CUL2: variants seen among roughly 807,000 people sequenced by gnomAD.
The protein encoded by CUL2 is cullin 2, also known as cullin-2.
A neutral mutation model predicts 110.2 loss-of-function variants in CUL2; 22 were observed. The observed-to-expected ratio is 0.20, with a 90% CI of 0.14 to 0.28. The LOEUF (loss-of-function observed/expected upper bound fraction) is 0.28, where lower values mean the gene tolerates loss of function less well. Among genes scored for constraint, CUL2 ranks in the 10% least tolerant of loss-of-function variants. The pLI is 1.00. For synonymous variants in CUL2, 279 were observed against 293.2 expected, an observed-to-expected ratio of 0.95 and a Z score of 0.49; for missense variants, 631 against 905.5, an observed-to-expected ratio of 0.70 and a Z score of 3.89.
rs573155983 is a variant in CUL2 at position 35,036,186 on chromosome 10, G to T, written c.878-890C>A. On this transcript the variant is annotated intron_variant, in intron 9 of 20. Coordinates refer to ENST00000374749, the MANE Select transcript of CUL2 (RefSeq NM_003591.4). Reference sequence around the variant, plus strand: ...TAAATCACAGATGAGTTTGAACTACGTATAAAAATGGGATCACACAATTCT... The same window carrying T: ...TAAATCACAGATGAGTTTGAACTACTTATAAAAATGGGATCACACAATTCT... Among the ~76,000 whole-genome samples the T allele has an allele frequency of 2.6e-5, 4 of 152,276 alleles. No individual in the cohort carries two copies. In the South Asian group the frequency reaches 8.3e-4, roughly 32 times the overall value.
chr10:35,010,105 A>G lies in CUL2; in HGVS notation c.*206T>C. On this transcript the variant is annotated 3_prime_UTR_variant, in exon 21 of 21. Transcript: ENST00000374749. ...TCACTCATTCTTTTAATAAAGTTTT[A>G]AGAAATGTCATAATGACATGAGCTT... is the stretch of plus-strand genomic sequence containing the variant. 1 of 336,496 alleles carries G rather than the reference A, an allele frequency of 3.0e-6. No individual in the cohort carries two copies. The highest frequency in any genetic ancestry group is 5.1e-6 in the Non-Finnish European group (1 of 194,786). The allele number at this position is 336,496 out of a possible 1,614,324, so 20.8% of individuals were successfully genotyped here. A position where few individuals can be genotyped will look rare whatever the true frequency, so the allele number is the denominator to read the frequency against.
chr10:35,040,090 T>C (rs1335468709), intron 8 of CUL2, among the ~76,000 whole-genome samples: 1 of 151,838 alleles, frequency 6.6e-6, no homozygotes, highest in South Asian at 2.1e-4. Context: ...GAGGAGGAGG[T>C]TGCAGTGAGC....
At chr10:35,021,021 C>G (rs1451649807) in intron 17 of CUL2, among the ~76,000 whole-genome samples, 1 of 143,232 alleles carries the variant, frequency 7.0e-6, no homozygotes, top group African/African-American at 2.6e-5. Flanking sequence ...TGATCTTGAA[C>G]TCCTGGGCTC....
At chr10:35,085,755 CCAGA>C (rs1320459412) in intron 1 of CUL2, among the ~76,000 whole-genome samples, 3 of 150,432 alleles carry the variant, frequency 2.0e-5, no homozygotes, top group South Asian at 2.1e-4. Flanking sequence ...TCAATCACAG[CCAGA>C]CATTTTTCCA....
intron 1 of CUL2, among the ~76,000 whole-genome samples, chr10:35,114,474 C>T (rs1293297631): frequency 6.6e-6 from 1 of 151,818 alleles, no homozygotes; most frequent in Non-Finnish European, 1.5e-5. Context: ...CTTCTGCCTC[C>T]CAGGTTCCAG....
At chr10:35,065,024 C>T (rs2086480874) in intron 2 of CUL2, among the ~76,000 whole-genome samples, 1 of 152,094 alleles carries the variant, frequency 6.6e-6, no homozygotes, top group South Asian at 2.1e-4. Context: ...TGCAGTGAAT[C>T]CACCTTAATA....
chr10:35,062,670 CAA>C (rs77853239), intron 3 of CUL2, among the ~76,000 whole-genome samples: 14 of 123,118 alleles, frequency 1.1e-4, no homozygotes, highest in Non-Finnish European at 1.2e-4. Context: ...CCATCTCTAC[CAA>C]AAAAAAAAAA....
chr10:35,038,094 G>A (rs188149472), intron 9 of CUL2, among the ~76,000 whole-genome samples: 20 of 152,184 alleles, frequency 1.3e-4, no homozygotes, highest in Non-Finnish European at 8.8e-5. Flanking sequence ...GGGTTGCAAT[G>A]AGCCAAGATC....
At position 35,052,588 on chromosome 10, in the gene CUL2, G is replaced by A. The variant is rs562916596; in HGVS notation, c.423+1846C>T. On this transcript the variant is annotated intron_variant, in intron 5 of 20. Transcript: ENST00000374749. ...GAATAGTGGTGTTCACTGCAGTGTT[G>A]TTTGTAATAACAAAAAATTAAAAAT... is the stretch of plus-strand genomic sequence containing the variant. 4.7e-4 allele frequency among the ~76,000 whole-genome samples: 72 copies of A among 152,286 alleles called. 1 individual carries two copies. In the South Asian group the frequency reaches 0.014, roughly 30 times the overall value.
intron 8 of CUL2, among the ~76,000 whole-genome samples, chr10:35,043,046 C>A (rs1179284742): frequency 6.6e-6 from 1 of 152,018 alleles, no homozygotes; most frequent in African/African-American, 2.4e-5. Context: ...TTTACAGAAG[C>A]CTTCTGTGCT....
At chr10:35,104,747 G>A (rs1029667651) in intron 1 of CUL2, among the ~76,000 whole-genome samples, 1 of 151,878 alleles carries the variant, frequency 6.6e-6, no homozygotes, top group African/African-American at 2.4e-5. Context: ...TTTTCTGGGG[G>A]GGGGACAGTC....
intron 1 of CUL2, among the ~76,000 whole-genome samples, chr10:35,084,250 T>A (rs2087008738): frequency 6.6e-6 from 1 of 152,134 alleles, no homozygotes; most frequent in African/African-American, 2.4e-5. Flanking sequence ...GCACTACAGC[T>A]TGGGTGACGA....
intron 9 of CUL2, 146 bp downstream of exon 9, chr10:35,038,773 CA>C: frequency 2.1e-6 from 1 of 481,442 alleles, no homozygotes; most frequent in Non-Finnish European, 3.5e-6. Context: ...AATAGTCTTT[CA>C]AAATAAAGTA....
At chr10:35,046,314 C>T (rs887049499) in intron 6 of CUL2, among the ~76,000 whole-genome samples, 4 of 152,168 alleles carry the variant, frequency 2.6e-5, no homozygotes, top group Non-Finnish European at 4.4e-5. Context: ...TACCTATTTT[C>T]TCATGTTCTG....
At chr10:35,086,580 C>T (rs1025226702) in intron 1 of CUL2, among the ~76,000 whole-genome samples, 2 of 152,036 alleles carry the variant, frequency 1.3e-5, no homozygotes, top group African/African-American at 4.8e-5. Flanking sequence ...AGCCACCGTA[C>T]GTGGCCGGAA....
At chr10:35,091,037 G>A (rs746576301), upstream of CUL2, among the ~76,000 whole-genome samples, 14 of 151,970 alleles carry the variant, frequency 9.2e-5, no homozygotes, top group Admixed American at 6.6e-5. Context: ...ATGTATTTTC[G>A]ATAAAGAAAC....
chr10:35,025,250 T>A, intron 16 of CUL2, 52 bp from the exon 17 acceptor site: 2 of 1,522,478 alleles, frequency 1.3e-6, no homozygotes, highest in Non-Finnish European at 1.8e-6. Context: ...ATAACTTGCC[T>A]AGTTAATTAA....
chr10:35,020,610 T>G (rs757866553), intron 17 of CUL2, among the ~76,000 whole-genome samples: 8 of 152,224 alleles, frequency 5.3e-5, no homozygotes, highest in Admixed American at 6.5e-5. Context: ...TTTATCTTCC[T>G]TGAGTTCATC....
At chr10:35,054,647 T>G (rs1322776209) in intron 4 of CUL2, 108 bp from the exon 5 acceptor site, 1 of 551,442 alleles carries the variant, frequency 1.8e-6, no homozygotes, top group Non-Finnish European at 3.1e-6. Context: ...AGCCATGGAA[T>G]AGCCTACTAA....
Sources: allele counts gnomAD v4.1 joint callset (sites outside exome capture counted in the v4.1 genomes callset), GRCh38; gene constraint gnomAD v4.1.1; transcripts MANE v1.5; gene names NCBI Gene and HGNC (gene_info 2026-07-23, HGNC 2026-07-21).